GALNT17: variants seen among roughly 807,000 people sequenced by gnomAD.
GALNT17 encodes UDP-GalNAc:polypeptide N-acetylgalactosaminyltransferase-like 3.
In GALNT17, 29 loss-of-function variants were observed where a neutral mutation model predicts 63.7. The ratio of observed to expected loss-of-function variants is 0.46; its 90% CI spans 0.34 to 0.62. The LOEUF is 0.62. GALNT17 is among the 20% of genes least tolerant of loss of function. The pLI is 0.01. For missense variants in GALNT17, 603 were observed against 799.6 expected (o/e 0.75, Z 2.97); for synonymous variants, 305 against 318.3 (o/e 0.96, Z 0.45).
intron 1 of GALNT17, among the ~76,000 whole-genome samples, chr7:71,237,207 A>G (rs536704291): frequency 1.6e-4 from 24 of 152,290 alleles, no homozygotes; most frequent in African/African-American, 5.8e-4. Flanking sequence ...TCCGTATGTA[A>G]TGCAAGTAGG....
chr7:71,409,017 A>AACACACACACACACACACAC (rs10674037), intron 3 of GALNT17, among the ~76,000 whole-genome samples: 1 of 144,868 alleles, frequency 6.9e-6, no homozygotes, highest in African/African-American at 2.6e-5. Flanking sequence ...CACATACACA[A>AACACACACACACACACACAC]ACACACACAC....
intron 2 of GALNT17, among the ~76,000 whole-genome samples, chr7:71,342,477 C>G (rs1792022642): frequency 6.6e-6 from 1 of 152,102 alleles, no homozygotes; most frequent in South Asian, 2.1e-4. Context: ...AGACATGCAT[C>G]CCAACCATAT....
chr7:71,627,131 C>T (rs1185920931), intron 6 of GALNT17, among the ~76,000 whole-genome samples: 1 of 152,216 alleles, frequency 6.6e-6, no homozygotes, highest in East Asian at 1.9e-4. Context: ...CGTGAACAGA[C>T]ACGTTTGGAA....
At chr7:71,644,165 A>C (rs1342348677) in intron 6 of GALNT17, among the ~76,000 whole-genome samples, 2 of 151,912 alleles carry the variant, frequency 1.3e-5, no homozygotes, top group Non-Finnish European at 2.9e-5. Context: ...CACTTTGAGA[A>C]GCCAATTCAT....
At chr7:71,413,977 C>T (rs1793478291) in intron 3 of GALNT17, among the ~76,000 whole-genome samples, 1 of 152,102 alleles carries the variant, frequency 6.6e-6, no homozygotes, top group African/African-American at 2.4e-5. Context: ...CACAGTGGCT[C>T]ATGCCTGTAA....
chr7:71,534,496 G>A (rs1788771759), intron 5 of GALNT17, among the ~76,000 whole-genome samples: 2 of 151,842 alleles, frequency 1.3e-5, no homozygotes, highest in East Asian at 1.9e-4. Context: ...CTACTCGGGA[G>A]GCTGAGGCAG....
intron 5 of GALNT17, among the ~76,000 whole-genome samples, chr7:71,559,964 A>G (rs4719150): frequency 0.99 from 150,441 of 151,316 alleles, 74,790 homozygotes; most frequent in Middle Eastern, 1. Flanking sequence ...GAGAGGCTGC[A>G]GCGGGCAAAT....
chr7:71,510,512 G>C (rs1281781262), intron 5 of GALNT17, among the ~76,000 whole-genome samples: 1 of 152,002 alleles, frequency 6.6e-6, no homozygotes, highest in Non-Finnish European at 1.5e-5. Context: ...CTTCCAACTT[G>C]CCTCAGAGTG....
chr7:71,442,339 G>T (rs1365044723), intron 5 of GALNT17, among the ~76,000 whole-genome samples: 1 of 152,072 alleles, frequency 6.6e-6, no homozygotes, highest in Non-Finnish European at 1.5e-5. Context: ...TGGGACTACG[G>T]GCGCCCGCCA....
intron 5 of GALNT17, among the ~76,000 whole-genome samples, chr7:71,566,991 G>C (rs1176744891): frequency 6.6e-6 from 1 of 152,136 alleles, no homozygotes; most frequent in Non-Finnish European, 1.5e-5. Context: ...CCTGAGCCCT[G>C]AACGCGTGTG....
chr7:71,398,047 G>A (rs918865320), intron 3 of GALNT17, among the ~76,000 whole-genome samples: 5 of 152,148 alleles, frequency 3.3e-5, no homozygotes, highest in Admixed American at 3.3e-4. Flanking sequence ...CTGGAAGCCT[G>A]TAGAGTCTTT....
chr7:71,684,904 G>C (rs997342193), intron 9 of GALNT17, among the ~76,000 whole-genome samples: 4 of 152,050 alleles, frequency 2.6e-5, no homozygotes, highest in South Asian at 2.1e-4. Context: ...ACCTCAAGCT[G>C]TCCTCCCACC....
At chr7:71,232,854 G>A (rs1789818159) in intron 1 of GALNT17, among the ~76,000 whole-genome samples, 1 of 152,170 alleles carries the variant, frequency 6.6e-6, no homozygotes, top group South Asian at 2.1e-4. Flanking sequence ...GCTGATGGGT[G>A]TATGTTATGG....
intron 5 of GALNT17, among the ~76,000 whole-genome samples, chr7:71,423,351 G>A (rs181263220): frequency 6.6e-6 from 1 of 152,196 alleles, no homozygotes; most frequent in East Asian, 1.9e-4. Context: ...ACCTTATTTG[G>A]GGAAAAGGGC....
At chr7:71,262,805 C>A (rs1031478101) in intron 1 of GALNT17, among the ~76,000 whole-genome samples, 3 of 151,298 alleles carry the variant, frequency 2.0e-5, no homozygotes, top group African/African-American at 7.3e-5. Context: ...CTGAGCTCCC[C>A]AAGTAGCTGG....
chr7:71,562,129 A>G (rs781349776), intron 5 of GALNT17, among the ~76,000 whole-genome samples: 21 of 152,010 alleles, frequency 1.4e-4, no homozygotes, highest in Non-Finnish European at 2.4e-4. Flanking sequence ...TTATTTTTTT[A>G]AAAAATTATT....
At chr7:71,301,401 A>G (rs1791195031) in intron 1 of GALNT17, among the ~76,000 whole-genome samples, 1 of 147,530 alleles carries the variant, frequency 6.8e-6, no homozygotes, top group Non-Finnish European at 1.5e-5. Context: ...AATAAAATAT[A>G]TATTTAAATA....
intron 1 of GALNT17, among the ~76,000 whole-genome samples, chr7:71,264,041 T>C (rs1235815022): frequency 6.6e-6 from 1 of 152,214 alleles, no homozygotes; most frequent in Non-Finnish European, 1.5e-5. Flanking sequence ...TTGGGGACTA[T>C]CGTTTGAGAG....
At chr7:71,178,833 T>G (rs562747557) in intron 1 of GALNT17, among the ~76,000 whole-genome samples, 5 of 152,362 alleles carry the variant, frequency 3.3e-5, no homozygotes, top group African/African-American at 1.2e-4. Context: ...TCTTATCTAC[T>G]CATTTCAACA....
Sources: allele counts gnomAD v4.1 joint callset (sites outside exome capture counted in the v4.1 genomes callset), GRCh38; gene constraint gnomAD v4.1.1; transcripts MANE v1.5; gene names NCBI Gene and HGNC (gene_info 2026-07-23, HGNC 2026-07-21).